Variants in RBM27 observed in about 807,000 individuals in gnomAD.
RBM27 encodes RNA binding motif protein 27.
In RBM27, 22 loss-of-function variants were observed where a neutral mutation model predicts 135.3. The observed-to-expected ratio is 0.16, with a 90% CI of 0.12 to 0.23. The LOEUF is 0.23. Among genes scored for constraint, RBM27 ranks in the 10% least tolerant of loss-of-function variants. RBM27 has a pLI of 1.00. For missense variants in RBM27, 1,009 were observed against 1,281.0 expected (o/e 0.79, Z 3.24); for synonymous variants, 481 against 442.4 (o/e 1.09, Z -1.10).
chr5:146,204,640 A>AT (rs906042445), intron 1 of RBM27, among the ~76,000 whole-genome samples: 1 of 152,134 alleles, frequency 6.6e-6, no homozygotes, highest in Non-Finnish European at 1.5e-5. Context: ...GTATGTAGGG[A>AT]TTTTTAGATA....
At chr5:146,256,897 T>G (rs564462897) in intron 10 of RBM27, among the ~76,000 whole-genome samples, 1 of 151,984 alleles carries the variant, frequency 6.6e-6, no homozygotes, top group Non-Finnish European at 1.5e-5. Flanking sequence ...TTAAAAAAAA[T>G]TAATTAAAAA....
At position 146,286,201 on chromosome 5, in the gene RBM27, A is replaced by C; in HGVS notation, c.*171A>C. ...TAAACACATCTCATAACTGTACATG[A>C]TATTAAAGCACCAAAGGCCTAGTGA... On this transcript the variant is annotated 3_prime_UTR_variant, in exon 21 of 21. Transcript: ENST00000265271. The C allele has an allele frequency of 1.9e-6, 1 of 523,068 alleles. No individual in the cohort carries two copies. Among genetic ancestry groups the C allele is most frequent in the Non-Finnish European group, 3.3e-6 (1 of 302,284 alleles). The allele number at this position is 523,068 out of a possible 1,614,324, so 32.4% of individuals were successfully genotyped here.
At chr5:146,230,989 T>C (rs1337975551) in intron 6 of RBM27, 72 bp downstream of exon 6, 1 of 1,460,618 alleles carries the variant, frequency 6.8e-7, no homozygotes, top group Non-Finnish European at 9.4e-7. Flanking sequence ...ATATTGCATA[T>C]CTTTTAGTTA....
chr5:146,275,888 CCTT>C (rs1482149073), intron 19 of RBM27, among the ~76,000 whole-genome samples: 5 of 152,050 alleles, frequency 3.3e-5, no homozygotes, highest in African/African-American at 9.7e-5. Context: ...TTGAATTTTT[CCTT>C]CTTTTCAAGA....
intron 9 of RBM27, among the ~76,000 whole-genome samples, chr5:146,253,616 G>C (rs1485005988): frequency 1.3e-5 from 2 of 152,032 alleles, no homozygotes; most frequent in Admixed American, 6.6e-5. Context: ...AGCAGTTCTA[G>C]TTCTTATATT....
At chr5:146,218,344 TCTG>T (rs1484401310) in intron 1 of RBM27, among the ~76,000 whole-genome samples, 1 of 152,228 alleles carries the variant, frequency 6.6e-6, no homozygotes, top group African/African-American at 2.4e-5. Context: ...AAAGGTTATC[TCTG>T]CTGTCCTTTC....
In RBM27 at chr5:146,286,227, C is replaced by G. The variant is rs1295769146; in HGVS notation, c.*197C>G. The G allele has an allele frequency of 2.1e-6, 1 of 468,992 alleles. No homozygotes were observed. The highest frequency in any genetic ancestry group is 2.0e-5 in the African/African-American group (1 of 49,300). 29.1% of individuals were successfully genotyped at this position (468,992 alleles called of 1,614,324 possible). ...TATTAAAGCACCAAAGGCCTAGTGACTTTTACACAGTTGTGAAGATCCACA... is the reference window on the plus strand; with the variant it reads ...TATTAAAGCACCAAAGGCCTAGTGAGTTTTACACAGTTGTGAAGATCCACA... On this transcript the variant is annotated 3_prime_UTR_variant, in exon 21 of 21. Transcript: ENST00000265271.
intron 8 of RBM27, among the ~76,000 whole-genome samples, chr5:146,242,643 G>T (rs1757453986): frequency 6.6e-6 from 1 of 152,118 alleles, no homozygotes; most frequent in African/African-American, 2.4e-5. Flanking sequence ...GCCCAGGCTG[G>T]AGTGCAGTGG....
intron 8 of RBM27, among the ~76,000 whole-genome samples, chr5:146,246,948 T>C (rs1460775428): frequency 6.6e-6 from 1 of 151,630 alleles, no homozygotes; most frequent in African/African-American, 2.4e-5. Context: ...ACTGCAGTCT[T>C]GACCTCCTGG....
rs767729269 is a variant in RBM27, at chr5:146,285,958, C to G, written c.3111C>G (p.Thr1037=). 6 of 1,611,974 alleles carry G rather than the reference C, an allele frequency of 3.7e-6. No homozygotes were observed. The highest frequency in any genetic ancestry group is 5.1e-6 in the Non-Finnish European group (6 of 1,178,810). The change falls in exon 21 of 21, where the codon ACC becomes ACG. Residue 1037 remains threonine (T), a synonymous_variant. Coordinates refer to ENST00000265271, the MANE Select transcript of RBM27 (RefSeq NM_018989.2). The part of the protein sequence containing the change: ...EEEVKEEETE[T]SDLFLPDDDD... Reference sequence around the variant, plus strand: ...CTCTCTTTCTTCAGGAAACAGAAACCTCAGATTTGTTTTTGCCTGATGATG... The same window carrying G: ...CTCTCTTTCTTCAGGAAACAGAAACGTCAGATTTGTTTTTGCCTGATGATG...
chr5:146,217,149 T>C (rs1485241405), intron 1 of RBM27, among the ~76,000 whole-genome samples: 1 of 152,040 alleles, frequency 6.6e-6, no homozygotes, highest in Non-Finnish European at 1.5e-5. Context: ...GTATTTTTAG[T>C]AGAGACGGGG....
chr5:146,218,839 A>C (rs1756323226), intron 1 of RBM27, 146 bp from the exon 2 acceptor site: 1 of 524,030 alleles, frequency 1.9e-6, no homozygotes, highest in East Asian at 3.1e-5. Flanking sequence ...GTATATGTTT[A>C]TTATAAAAGT....
chr5:146,277,048 G>C (rs979932170), intron 19 of RBM27, among the ~76,000 whole-genome samples: 1 of 152,204 alleles, frequency 6.6e-6, no homozygotes, highest in South Asian at 2.1e-4. Context: ...TTCGTAGCTA[G>C]TTCTAGGAGT....
intron 8 of RBM27, among the ~76,000 whole-genome samples, chr5:146,247,480 C>T (rs186431933): frequency 2.5e-3 from 386 of 152,262 alleles, no homozygotes; most frequent in Non-Finnish European, 2.9e-3. Context: ...TTATACATTA[C>T]GTTTAGTTGA....
intron 1 of RBM27, among the ~76,000 whole-genome samples, chr5:146,218,225 T>TTA (rs753844473): frequency 9.2e-5 from 14 of 152,196 alleles, no homozygotes; most frequent in Admixed American, 3.3e-4. Flanking sequence ...GTCTGACAGA[T>TTA]TACTATACAT....
At chr5:146,260,927 C>G (rs915278224) in intron 12 of RBM27, 29 bp downstream of exon 12, 4 of 1,586,702 alleles carry the variant, frequency 2.5e-6, no homozygotes, top group Non-Finnish European at 1.7e-6. Flanking sequence ...GTGACAGAAT[C>G]CAGGCATTTT....
intron 8 of RBM27, among the ~76,000 whole-genome samples, chr5:146,244,771 G>A (rs1270640677): frequency 6.6e-6 from 1 of 151,980 alleles, no homozygotes; most frequent in Admixed American, 6.6e-5. Context: ...GACCTCCTGG[G>A]CTTGAGCTCT....
chr5:146,257,722 C>T (rs1408616027), intron 10 of RBM27, among the ~76,000 whole-genome samples: 1 of 152,060 alleles, frequency 6.6e-6, no homozygotes, highest in Non-Finnish European at 1.5e-5. Context: ...CTTGTTGAAT[C>T]ATACCAGGAG....
chr5:146,279,923 G>T lies in RBM27; in HGVS notation c.2989-4699G>T, dbSNP rs368459060. Among the ~76,000 whole-genome samples, 22 of 151,532 alleles carry T rather than the reference G, an allele frequency of 1.5e-4. No homozygotes were observed. The East Asian group carries it at 3.7e-3, about 25-fold the overall frequency. ...AGGTATCTTTATAGAAAAATACTAT[G>T]TATGTAAGAAAACATATATAAAGCT... On this transcript the variant is annotated intron_variant, in intron 19 of 20. Transcript: ENST00000265271.
Sources: gnomAD v4.1 joint callset for allele counts (sites outside exome capture counted in the v4.1 genomes callset) on GRCh38, gnomAD v4.1.1 for gene constraint, MANE v1.5 for transcripts, NCBI Gene and HGNC (gene_info 2026-07-23, HGNC 2026-07-21) for gene names.